The following DPH6 variants were observed in gnomAD, a reference collection of about 807,000 sequenced individuals.
DPH6 encodes diphthine--ammonia ligase.
A neutral mutation model predicts 38.2 loss-of-function variants in DPH6; 33 were observed. That is an observed-to-expected ratio of 0.86 (90% CI 0.65 to 1.15). The LOEUF (loss-of-function observed/expected upper bound fraction) is 1.15, where lower values mean the gene tolerates loss of function less well. Ranked by LOEUF, DPH6 falls within the 50% of genes most tolerant of loss-of-function variation. The pLI, the probability that DPH6 is intolerant of heterozygous loss-of-function variation, is 0.00. For missense variants in DPH6, 325 were observed against 320.0 expected (o/e 1.02, Z -0.12); for synonymous variants, 108 against 103.0 (o/e 1.05, Z -0.30).
intron 6 of DPH6, among the ~76,000 whole-genome samples, chr15:35,405,040 G>A (rs1300193213): frequency 6.6e-6 from 1 of 152,040 alleles, no homozygotes; most frequent in Non-Finnish European, 1.5e-5. Flanking sequence ...TTACAGGTGT[G>A]TAGATTTGTT....
rs547698465 is a variant in DPH6, at chr15:35,402,619, C to T, written c.567+8216G>A. Among the ~76,000 whole-genome samples the T allele has an allele frequency of 2.0e-4, 30 of 152,134 alleles. 1 individual carries two copies. The highest frequency in any genetic ancestry group is 1.2e-3 in the South Asian group (6 of 4,818). ...AATGGTCTTAGGACATAAAGCCCCA[C>T]AAAACATAAAACCATTATATAATCC... On this transcript the variant is annotated intron_variant, in intron 6 of 8. Transcript: ENST00000256538.
At chr15:35,540,489 T>C (rs548966803) in intron 2 of DPH6, among the ~76,000 whole-genome samples, 1 of 152,178 alleles carries the variant, frequency 6.6e-6, no homozygotes, top group Admixed American at 6.5e-5. Flanking sequence ...CAGTGAATTG[T>C]TCAATAATTC....
At position 35,371,589 on chromosome 15, in the gene DPH6, T is replaced by G. The variant is rs1400353467; in HGVS notation, c.*561A>C. The G allele has an allele frequency of 1.0e-6, 1 of 982,214 alleles. No individual in the cohort carries two copies. The highest frequency in any genetic ancestry group is 1.8e-5 in the African/African-American group (1 of 57,130). The allele number at this position is 982,214 out of a possible 1,614,324, so 60.8% of individuals were successfully genotyped here. A position where few individuals can be genotyped will look rare whatever the true frequency, so the allele number is the denominator to read the frequency against. On this transcript the variant is annotated 3_prime_UTR_variant, in exon 9 of 9. Transcript: ENST00000256538. The stretch of plus-strand genomic sequence containing the variant: ...TAGTTAATACTGAAAAACAGCATTT[T>G]AAAAATCAGTTATAAAATAACTTGT...
chr15:35,319,200 T>C (rs997746917), intron 3 of DPH6, among the ~76,000 whole-genome samples: 1 of 152,252 alleles, frequency 6.6e-6, no homozygotes, highest in Admixed American at 6.5e-5. Flanking sequence ...ATGGTTTCTA[T>C]GCACATTCTG....
the DPH6 span, among the ~76,000 whole-genome samples, chr15:35,166,662 T>G: frequency 1.3e-5 from 2 of 152,110 alleles, no homozygotes; most frequent in East Asian, 3.9e-4. Context: ...ATTAGTGTAG[T>G]AAGAATGCAA....
At chr15:35,346,857 C>T (rs989241009) in intron 3 of DPH6, among the ~76,000 whole-genome samples, 2 of 151,900 alleles carry the variant, frequency 1.3e-5, no homozygotes. Flanking sequence ...ATATTTATTC[C>T]TTGTTCCATA....
Position 35,241,437 on chromosome 15 carries a change from T to A in DPH6, n.201-20855A>T, listed in dbSNP as rs1267966336. Among the ~76,000 whole-genome samples the A allele has an allele frequency of 3.5e-5, 5 of 143,592 alleles. 1 individual carries two copies. Among genetic ancestry groups the A allele is most frequent in the Non-Finnish European group, 7.6e-5 (5 of 65,530 alleles). 94.2% of individuals were successfully genotyped at this position (143,592 alleles called of 152,430 possible). On this transcript the variant is annotated intron_variant and non_coding_transcript_variant, in intron 3 of 3. Coordinates refer to the DPH6 transcript ENST00000560386. ...TTGTGGGTATTGACAGCCAGGCTTC[T>A]AAACCTCTTAAAACTTCCCAACTCT...
intron 3 of DPH6, among the ~76,000 whole-genome samples, chr15:35,487,721 C>T (rs1006082664): frequency 1.3e-5 from 2 of 152,230 alleles, no homozygotes; most frequent in African/African-American, 4.8e-5. Flanking sequence ...CATTAACATT[C>T]AGCTTCTCCT....
At chr15:35,527,785 A>C (rs193123816) in intron 3 of DPH6, among the ~76,000 whole-genome samples, 244 of 152,282 alleles carry the variant, frequency 1.6e-3, no homozygotes, top group Non-Finnish European at 2.9e-3. Context: ...GAATCTGAGA[A>C]AAGACAAAAA....
chr15:35,506,394 T>C (rs1452224747), intron 3 of DPH6, among the ~76,000 whole-genome samples: 1 of 152,168 alleles, frequency 6.6e-6, no homozygotes, highest in Non-Finnish European at 1.5e-5. Context: ...GATTTCCTGA[T>C]TACAACTTTG....
intron 3 of DPH6, among the ~76,000 whole-genome samples, chr15:35,493,570 T>A (rs750236763): frequency 1.3e-5 from 2 of 152,264 alleles, no homozygotes; most frequent in South Asian, 4.1e-4. Flanking sequence ...ATTTCAGGCA[T>A]TTTTAAGAAT....
rs148401291 is a variant in DPH6 at position 35,413,557 on chromosome 15, T to G, written c.506-2661A>C. Reference sequence around the variant, plus strand: ...TGACTATTTCATCTCCATCAGATTTTTATCTTGTAATCTATATGTCTTCTA... The same window carrying G: ...TGACTATTTCATCTCCATCAGATTTGTATCTTGTAATCTATATGTCTTCTA... On this transcript the variant is annotated intron_variant, in intron 5 of 8. Coordinates refer to ENST00000256538, the MANE Select transcript of DPH6 (RefSeq NM_080650.4). 2.2e-3 allele frequency among the ~76,000 whole-genome samples: 338 copies of G among 151,886 alleles called. 1 individual carries two copies. The highest frequency in any genetic ancestry group is 7.8e-3 in the African/African-American group (326 of 41,544).
At chr15:35,379,508 C>T (rs2052834050) in intron 7 of DPH6, among the ~76,000 whole-genome samples, 1 of 152,156 alleles carries the variant, frequency 6.6e-6, no homozygotes. Flanking sequence ...CTAAGCTCAT[C>T]TTTTAATTGT....
chr15:35,521,555 G>A, intron 3 of DPH6: 2 of 1,224,998 alleles, frequency 1.6e-6, no homozygotes, highest in Non-Finnish European at 2.0e-6. Context: ...CTAAGAGAAA[G>A]TGTCATGAAC....
chr15:35,219,523 T>A (rs2051429455), exon 4 of DPH6: 1 of 152,192 alleles, frequency 6.6e-6, no homozygotes, highest in Admixed American at 6.5e-5. Context: ...TATGCAAATA[T>A]GTCAGACTAT....
rs1320275374 is a variant in DPH6 at position 35,260,347 on chromosome 15, C to T, written n.201-39765G>A. Among the ~76,000 whole-genome samples the T allele has an allele frequency of 2.0e-5, 3 of 152,056 alleles. No individual in the cohort carries two copies. In the East Asian group the frequency reaches 5.8e-4, roughly 29 times the overall value. ...GGTCTTGAACTCCTGACCTCGTGAT[C>T]CACCCACCTCGGCCTCCCAAAGTGT... On this transcript the variant is annotated intron_variant and non_coding_transcript_variant, in intron 3 of 3. Coordinates refer to the DPH6 transcript ENST00000560386.
chr15:35,410,826 AAT>A lies in DPH6; in HGVS notation c.567+7_567+8del. 6.3e-7 allele frequency: 1 copy of A among 1,589,968 alleles called. No homozygotes were observed. ...TGGCTACATTTTGAGATCTAGTATA[AAT>A]TCTTACCTCTATGAGATAAGGCTCC... On this transcript the variant is annotated splice_region_variant and intron_variant, in intron 6 of 8. Coordinates refer to ENST00000256538, the MANE Select transcript of DPH6 (RefSeq NM_080650.4).
At chr15:35,442,555 C>G (rs532267884) in intron 5 of DPH6, among the ~76,000 whole-genome samples, 1 of 151,886 alleles carries the variant, frequency 6.6e-6, no homozygotes. Context: ...ATATATAGGT[C>G]CAAAGAAAAA....
rs139520140 is a variant in DPH6 at position 35,275,723 on chromosome 15, A to T, written n.201-55141T>A. On this transcript the variant is annotated intron_variant and non_coding_transcript_variant, in intron 3 of 3. Coordinates refer to the DPH6 transcript ENST00000560386. ...TCTCAGACCTTAAAGTAAAAAAAAA[A>T]AAAAATAATAATATTAGTCTTCAAT... Among the ~76,000 whole-genome samples the T allele has an allele frequency of 4.6e-3, 694 of 152,102 alleles. 6 individuals carry two copies. Among genetic ancestry groups the T allele is most frequent in the African/African-American group, 0.016 (663 of 41,478 alleles).
Sources: gnomAD v4.1 joint callset for allele counts (sites outside exome capture counted in the v4.1 genomes callset) on GRCh38, gnomAD v4.1.1 for gene constraint, MANE v1.5 for transcripts, NCBI Gene and HGNC (gene_info 2026-07-23, HGNC 2026-07-21) for gene names.